Variants in DIDO1 observed in about 807,000 individuals in gnomAD.
The protein encoded by DIDO1 is death-inducer obliterator 1.
In DIDO1, 16 loss-of-function variants were observed where a neutral mutation model predicts 99.4. That is an observed-to-expected ratio of 0.16 (90% CI 0.11 to 0.24). DIDO1 has a LOEUF of 0.24. Ranked by LOEUF, DIDO1 falls within the 10% of genes least tolerant of loss-of-function variation. The pLI, the probability that DIDO1 is intolerant of heterozygous loss-of-function variation, is 1.00. For missense variants in DIDO1, 2,996 were observed against 3,014.0 expected (o/e 0.99, Z 0.14); for synonymous variants, 1,366 against 1,239.1 (o/e 1.10, Z -2.15).
At chr20:62,908,343 T>C (rs1316295232) in intron 4 of DIDO1, among the ~76,000 whole-genome samples, 1 of 152,272 alleles carries the variant, frequency 6.6e-6, no homozygotes, top group East Asian at 1.9e-4. Context: ...CTGCCAAGCC[T>C]CTGGAGACCA....
At position 62,907,214 on chromosome 20, in the gene DIDO1, T is replaced by G. The variant is rs758731690; in HGVS notation, c.1307A>C (p.Lys436Thr). The G allele has an allele frequency of 6.2e-7, 1 of 1,614,256 alleles. No homozygotes were observed. Among genetic ancestry groups the G allele is most frequent in the South Asian group, 1.1e-5 (1 of 91,084 alleles). Reference protein sequence around the residue: ...MKFLSSGKEQKPKPKEKMKMK... With the variant: ...MKFLSSGKEQTPKPKEKMKMK... Reference sequence around the variant, plus strand: ...CTTCATCTTTTCTTTAGGCTTTGGCTTCTGTTCTTTACCTGAGCTTAGAAA... The same window carrying G: ...CTTCATCTTTTCTTTAGGCTTTGGCGTCTGTTCTTTACCTGAGCTTAGAAA... Residue 436 changes from lysine (K) to threonine (T), a missense_variant, in exon 5 of 16, where the codon AAG (lysine) becomes ACG (threonine). Lys to Thr is a moderately conservative substitution (Grantham distance 78, BLOSUM62 -1). This residue lies in a region of DIDO1 where 898 missense variants were observed against 972.7 expected (regional missense o/e 0.92). Coordinates refer to ENST00000395343, the MANE Select transcript of DIDO1 (RefSeq NM_001193369.2).
chr20:62,927,086 C>G (rs890817744), upstream of DIDO1, among the ~76,000 whole-genome samples: 13 of 152,078 alleles, frequency 8.5e-5, no homozygotes, highest in African/African-American at 3.1e-4. Context: ...ACCCCAAGCT[C>G]GGCTCCAGAA....
Position 62,891,975 on chromosome 20 carries a change from A to G in DIDO1, c.3345+12T>C. The G allele has an allele frequency of 6.3e-7, 1 of 1,598,946 alleles. No homozygotes were observed. The highest frequency in any genetic ancestry group is 8.5e-7 in the Non-Finnish European group (1 of 1,175,168). ...TTTCCATGGTTGCAGAATTTATACT[A>G]TAAGCAGGTACCTTAGACACAGAAG... On this transcript the variant is annotated intron_variant, in intron 14 of 15. Coordinates refer to ENST00000395343, the MANE Select transcript of DIDO1 (RefSeq NM_001193369.2).
chr20:62,898,408 A>T (rs1425304173), intron 6 of DIDO1, among the ~76,000 whole-genome samples: 1 of 152,206 alleles, frequency 6.6e-6, no homozygotes, highest in East Asian at 1.9e-4. Context: ...CCATTTTTAC[A>T]AAACTTGCAA....
At chr20:62,907,551 C>A (rs1011488566) in intron 4 of DIDO1, among the ~76,000 whole-genome samples, 192 bp from the exon 5 acceptor site, 2 of 152,260 alleles carry the variant, frequency 1.3e-5, no homozygotes, top group African/African-American at 4.8e-5. Context: ...TTCACACTGT[C>A]ACTGCCCGTC....
At chr20:62,890,498 G>A (rs1411262357) in intron 15 of DIDO1, 8 of 992,440 alleles carry the variant, frequency 8.1e-6, no homozygotes, top group South Asian at 4.6e-5. Flanking sequence ...ATTATTTCTA[G>A]AAATAGTTTT....
chr20:62,932,938 C>T (rs1270952371), intron 1 of DIDO1, among the ~76,000 whole-genome samples: 3 of 152,076 alleles, frequency 2.0e-5, no homozygotes, highest in Admixed American at 6.5e-5. Flanking sequence ...GCAGGCCAGG[C>T]GCCATGGCTC....
chr20:62,882,600 C>CGCCCCGGGAACGCACT (rs1182374956), intron 15 of DIDO1, among the ~76,000 whole-genome samples, 186 bp from the exon 16 acceptor site: 3 of 152,116 alleles, frequency 2.0e-5, no homozygotes, highest in Non-Finnish European at 1.5e-5. Flanking sequence ...AGGAACGCAC[C>CGCCCCGGGAACGCACT]GCCCCGGGAA....
At chr20:62,895,846 A>G (rs893398861) in intron 8 of DIDO1, among the ~76,000 whole-genome samples, 6 of 152,218 alleles carry the variant, frequency 3.9e-5, no homozygotes, top group African/African-American at 1.2e-4. Context: ...GGAATATGAG[A>G]AAATAAGGTG....
At chr20:62,889,163 A>G in intron 15 of DIDO1, 1 of 985,518 alleles carries the variant, frequency 1.0e-6, no homozygotes, top group Non-Finnish European at 1.2e-6. Flanking sequence ...GAGTGACCCC[A>G]GCCCAGCCCT....
At chr20:62,933,746 C>T (rs1376275961) in intron 1 of DIDO1, among the ~76,000 whole-genome samples, 2 of 152,088 alleles carry the variant, frequency 1.3e-5, no homozygotes, top group Non-Finnish European at 2.9e-5. Context: ...TGGCTTCCGC[C>T]TGTAGTCCCA....
At chr20:62,883,411 G>A (rs759547314) in intron 15 of DIDO1, among the ~76,000 whole-genome samples, 22 of 152,172 alleles carry the variant, frequency 1.4e-4, no homozygotes, top group Non-Finnish European at 2.5e-4. Context: ...AAATGCTTTG[G>A]ACTGGGCATG....
chr20:62,895,221 G>C (rs1393822846), intron 8 of DIDO1, 56 bp from the exon 9 acceptor site: 3 of 1,499,900 alleles, frequency 2.0e-6, no homozygotes, highest in African/African-American at 2.8e-5. Context: ...TGTCAATACA[G>C]AGAGCTTCTG....
upstream of DIDO1, among the ~76,000 whole-genome samples, chr20:62,927,149 G>A (rs1024968285): frequency 3.9e-5 from 6 of 152,154 alleles, no homozygotes; most frequent in Admixed American, 6.5e-5. Context: ...AGGAAGGGAG[G>A]CGGGCACGCT....
chr20:62,903,774 G>C (rs1473103220), intron 6 of DIDO1, among the ~76,000 whole-genome samples: 1 of 152,226 alleles, frequency 6.6e-6, no homozygotes, highest in Non-Finnish European at 1.5e-5. Context: ...GAGGTGATGT[G>C]TTGGGAAGGT....
At chr20:62,908,861 CAA>C (rs911949339) in intron 4 of DIDO1, among the ~76,000 whole-genome samples, 7 of 152,034 alleles carry the variant, frequency 4.6e-5, no homozygotes, top group African/African-American at 1.7e-4. Context: ...CTCAACTGCA[CAA>C]AAAACAGAAT....
rs778108591 is a variant in DIDO1, at chr20:62,879,254, A to G, written c.6702T>C (p.Ala2234=). The change falls in exon 16 of 16, where the codon GCT becomes GCC. Residue 2234 remains alanine (A), a synonymous_variant. Transcript: ENST00000395343. This position sits in a 1 kb window ranked among gnomAD's most constrained non-coding sequence, Gnocchi z 6.3. The part of the protein sequence containing the change: ...PKPEASRASD[A]GTASQA Reference sequence around the variant, plus strand: ...GCGTCTAGGCCTGCGAGGCGGTGCCAGCGTCGGAGGCCCTCGAGGCCTCGG... The same window carrying G: ...GCGTCTAGGCCTGCGAGGCGGTGCCGGCGTCGGAGGCCCTCGAGGCCTCGG... The G allele has an allele frequency of 1.9e-6, 3 of 1,542,854 alleles. No individual in the cohort carries two copies. The South Asian group carries it at 3.7e-5, about 19-fold the overall frequency.
intron 15 of DIDO1, chr20:62,890,559 G>A: frequency 9.8e-7 from 1 of 1,018,742 alleles, no homozygotes; most frequent in African/African-American, 1.7e-5. Flanking sequence ...TTAGAGAAGT[G>A]ATCCCTGATG....
chr20:62,916,665 C>T (rs1030475187), intron 1 of DIDO1, among the ~76,000 whole-genome samples: 2 of 152,176 alleles, frequency 1.3e-5, no homozygotes, highest in Admixed American at 1.3e-4. Flanking sequence ...GCTCCATGTT[C>T]ATGTCTACTT....
Sources: gnomAD v4.1 joint callset for allele counts (sites outside exome capture counted in the v4.1 genomes callset) on GRCh38, gnomAD v4.1.1 for gene constraint, gnomAD v4.1.1 regional missense constraint, Gnocchi (gnomAD v3.1) non-coding constraint, MANE v1.5 for transcripts, NCBI Gene and HGNC (gene_info 2026-07-23, HGNC 2026-07-21) for gene names.